The following GRID2 variants were observed in gnomAD, a reference collection of about 807,000 sequenced individuals.
GRID2 encodes the protein glutamate ionotropic receptor delta type subunit 2.
A neutral mutation model predicts 114.8 loss-of-function variants in GRID2; 33 were observed. The observed-to-expected ratio is 0.29, with a 90% CI of 0.22 to 0.38. The LOEUF (loss-of-function observed/expected upper bound fraction) is 0.38, where lower values mean the gene tolerates loss of function less well. Ranked by LOEUF, GRID2 falls within the 10% of genes least tolerant of loss-of-function variation. The pLI is 1.00. For synonymous variants in GRID2, 505 were observed against 449.9 expected (o/e 1.12, Z -1.55); for missense variants, 1,184 against 1,257.7 (o/e 0.94, Z 0.89).
chr4:93,458,768 A>G (rs1382770788), intron 11 of GRID2, among the ~76,000 whole-genome samples: 1 of 152,234 alleles, frequency 6.6e-6, no homozygotes, highest in Non-Finnish European at 1.5e-5. Context: ...AAAAAAAGGG[A>G]TAACAAGACA....
At chr4:93,126,290 ACTTTCT>A (rs1306503251) in intron 4 of GRID2, among the ~76,000 whole-genome samples, 1 of 152,068 alleles carries the variant, frequency 6.6e-6, no homozygotes, top group Non-Finnish European at 1.5e-5. Flanking sequence ...GAAAAACCTA[ACTTTCT>A]CTTTATTTTG....
At chr4:92,658,052 G>C (rs1474478102) in intron 2 of GRID2, among the ~76,000 whole-genome samples, 1 of 151,672 alleles carries the variant, frequency 6.6e-6, no homozygotes, top group Admixed American at 6.6e-5. Flanking sequence ...ATTATTTACT[G>C]TTCTCCACTT....
chr4:93,344,370 A>G (rs1473611082), intron 8 of GRID2, among the ~76,000 whole-genome samples: 6 of 151,972 alleles, frequency 3.9e-5, no homozygotes, highest in Non-Finnish European at 7.4e-5. Context: ...ACATTTATGT[A>G]TTTATTTATG....
At chr4:93,793,727 G>A (rs1004386255) in intron 1 of GRID2, among the ~76,000 whole-genome samples, 3 of 152,094 alleles carry the variant, frequency 2.0e-5, no homozygotes, top group African/African-American at 7.2e-5. Flanking sequence ...CATAAGTCAA[G>A]AAGAATTTTC....
chr4:92,642,329 C>T (rs62309174), intron 2 of GRID2, among the ~76,000 whole-genome samples: 8,469 of 151,820 alleles, frequency 0.056, 322 homozygotes, highest in East Asian at 0.16. Context: ...TTAATAGTAG[C>T]CATTCTGACT....
At chr4:93,403,080 A>G (rs1766058299) in intron 9 of GRID2, among the ~76,000 whole-genome samples, 1 of 152,166 alleles carries the variant, frequency 6.6e-6, no homozygotes, top group South Asian at 2.1e-4. Context: ...GGAGTTGGGA[A>G]GAGAGCTGAC....
chr4:93,397,043 T>C (rs754576113), intron 9 of GRID2, among the ~76,000 whole-genome samples: 2 of 152,026 alleles, frequency 1.3e-5, no homozygotes, highest in Non-Finnish European at 2.9e-5. Context: ...GATACGTTGA[T>C]GCTAATTGGA....
chr4:92,743,294 A>G (rs1343989740), intron 2 of GRID2, among the ~76,000 whole-genome samples: 1 of 152,202 alleles, frequency 6.6e-6, no homozygotes. Flanking sequence ...CGTCATCATC[A>G]TCATCATCTA....
chr4:92,855,610 A>G (rs1744116975), intron 2 of GRID2, among the ~76,000 whole-genome samples: 1 of 151,992 alleles, frequency 6.6e-6, no homozygotes, highest in Admixed American at 6.6e-5. Context: ...TACATACTAT[A>G]CACTAGTGTA....
chr4:93,142,478 A>T (rs1304017538), intron 4 of GRID2, among the ~76,000 whole-genome samples: 1 of 152,100 alleles, frequency 6.6e-6, no homozygotes, highest in Non-Finnish European at 1.5e-5. Flanking sequence ...AGTCTCTCTT[A>T]TAAGTACACT....
chr4:92,543,673 A>AATG (rs1288936819), intron 1 of GRID2, among the ~76,000 whole-genome samples: 10 of 152,172 alleles, frequency 6.6e-5, no homozygotes, highest in Admixed American at 5.9e-4. Context: ...TGAATGAATG[A>AATG]ATGGGTGGTG....
intron 2 of GRID2, among the ~76,000 whole-genome samples, chr4:92,595,215 T>C (rs1029917780): frequency 2.6e-5 from 4 of 151,992 alleles, no homozygotes; most frequent in African/African-American, 9.7e-5. Context: ...TAAACTATAA[T>C]ACTTTTTTAT....
intron 4 of GRID2, among the ~76,000 whole-genome samples, chr4:93,163,399 T>TATATATATATGTATATATATATATAC: frequency 2.0e-5 from 1 of 49,140 alleles, no homozygotes; most frequent in African/African-American, 7.9e-5. Flanking sequence ...TATATATATA[T>TATATATATATGTATATATATATATAC]ACACTATATA....
At chr4:92,413,165 A>G (rs1186663715) in intron 1 of GRID2, among the ~76,000 whole-genome samples, 2 of 152,124 alleles carry the variant, frequency 1.3e-5, no homozygotes, top group Non-Finnish European at 2.9e-5. Flanking sequence ...CCCATTAAAC[A>G]ATTTTTCATC....
intron 13 of GRID2, among the ~76,000 whole-genome samples, chr4:93,606,677 T>G (rs1740270921): frequency 6.6e-6 from 1 of 152,194 alleles, no homozygotes; most frequent in Non-Finnish European, 1.5e-5. Flanking sequence ...CTTCTTCCAT[T>G]ATAATTTTAT....
chr4:92,742,514 T>C (rs555422634), intron 2 of GRID2, among the ~76,000 whole-genome samples: 2 of 152,272 alleles, frequency 1.3e-5, no homozygotes, highest in South Asian at 2.1e-4. Context: ...CTTTAATCTT[T>C]CAGAGGTTTC....
chr4:93,405,921 C>T (rs1342187317), intron 9 of GRID2, among the ~76,000 whole-genome samples: 1 of 152,100 alleles, frequency 6.6e-6, no homozygotes, highest in Non-Finnish European at 1.5e-5. Context: ...CAAAGGAACA[C>T]ATTAGTAGCT....
Position 93,363,136 on chromosome 4 carries a change from C to T in GRID2, c.1246-32471C>T, listed in dbSNP as rs570433299. On this transcript the variant is annotated intron_variant, in intron 8 of 15. Coordinates refer to ENST00000282020, the MANE Select transcript of GRID2 (RefSeq NM_001510.4). ...TCAGGAGGCTGAGGCAGAAGAATCACTTGATAGGAGATGAAGGTTGCAGTG... is the reference window on the plus strand; with the variant it reads ...TCAGGAGGCTGAGGCAGAAGAATCATTTGATAGGAGATGAAGGTTGCAGTG... Among the ~76,000 whole-genome samples, 61 of 152,240 alleles carry T rather than the reference C, an allele frequency of 4.0e-4. 2 individuals carry two copies. The South Asian group carries it at 0.013, about 32-fold the overall frequency.
At chr4:93,161,659 T>TA (rs1490890390) in intron 4 of GRID2, among the ~76,000 whole-genome samples, 3 of 151,444 alleles carry the variant, frequency 2.0e-5, no homozygotes, top group Admixed American at 1.3e-4. Flanking sequence ...ATTTTCAGGG[T>TA]AAAAAAAATA....
Sources: gnomAD v4.1 joint callset for allele counts (sites outside exome capture counted in the v4.1 genomes callset) on GRCh38, gnomAD v4.1.1 for gene constraint, MANE v1.5 for transcripts, NCBI Gene and HGNC (gene_info 2026-07-23, HGNC 2026-07-21) for gene names.